Variants in AKNA observed in about 807,000 individuals in gnomAD.
AKNA encodes microtubule organization protein AKNA.
AKNA carries 67 observed loss-of-function variants against 138.8 expected under a neutral mutation model. The observed-to-expected ratio is 0.48, with a 90% CI of 0.40 to 0.59. The LOEUF (loss-of-function observed/expected upper bound fraction) is 0.59. AKNA is among the 20% of genes least tolerant of loss of function. AKNA has a pLI of 0.00. For missense variants in AKNA, 1,813 were observed against 1,880.4 expected, an observed-to-expected ratio of 0.96 and a Z score of 0.66; for synonymous variants, 737 against 754.4, an observed-to-expected ratio of 0.98 and a Z score of 0.38.
rs567911856 is a variant in AKNA, at chr9:114,377,049, C to T, written c.758G>A (p.Ser253Asn). ...TTCCATGGGGGTTGCCCGAGCAACA[C>T]TGCCTCCAGTTCTGCCATCTGGGCT... Reference protein sequence around the residue: ...LLSPDGRTGGSVARATPMEFQ... With the variant: ...LLSPDGRTGGNVARATPMEFQ... The change falls in exon 3 of 22, where the codon AGT becomes AAT. Residue 253 changes from serine (S) to asparagine (N), a missense_variant. Ser to Asn is a conservative substitution (Grantham distance 46). Transcript: ENST00000374088. The T allele has an allele frequency of 4.3e-6, 7 of 1,614,070 alleles. No individual in the cohort carries two copies. The highest frequency in any genetic ancestry group is 4.5e-5 in the East Asian group (2 of 44,882).
Position 114,371,223 on chromosome 9 carries a change from G to A in AKNA, c.1417-2628C>T, listed in dbSNP as rs145195702. On this transcript the variant is annotated intron_variant, in intron 4 of 21. Transcript: ENST00000374088. ...CCAGGCCTCCCCAGCTGCAGATCCCGCAACTACCAAGTCTAGTTCTGCTAG... is the reference window on the plus strand; with the variant it reads ...CCAGGCCTCCCCAGCTGCAGATCCCACAACTACCAAGTCTAGTTCTGCTAG... Among the ~76,000 whole-genome samples the A allele has an allele frequency of 1.2e-4, 18 of 152,300 alleles. No individual in the cohort carries two copies. The East Asian group carries it at 2.9e-3, about 24-fold the overall frequency.
At chr9:114,331,055 C>T (rs541751052), downstream of AKNA, among the ~76,000 whole-genome samples, 1 of 152,228 alleles carries the variant, frequency 6.6e-6, no homozygotes, top group South Asian at 2.1e-4. Context: ...AACATAAGAA[C>T]AGAGACCTCA....
downstream of AKNA, chr9:114,331,793 T>C (rs113974644): frequency 0.24 from 391,585 of 1,603,378 alleles, 52,168 homozygotes; most frequent in Middle Eastern, 0.28. Flanking sequence ...GGCCCCACCA[T>C]GTCCCCAGTC....
rs1833274395 is a variant in AKNA at position 114,376,981 on chromosome 9, C to T, written c.826G>A (p.Ala276Thr). 4 of 1,614,172 alleles carry T rather than the reference C, an allele frequency of 2.5e-6. No homozygotes were observed. Among genetic ancestry groups the T allele is most frequent in the Middle Eastern group, 1.7e-4 (1 of 6,060 alleles). Residue 276 changes from alanine (A) to threonine (T), a missense_variant, in exon 3 of 22, where the codon GCC (alanine) becomes ACC (threonine). Transcript: ENST00000374088. ...GTTTCTCTCCTCCATCTATCTGTGG[C>T]ATGCTGCGGACTCTGGGCTGGGGGA... ...SAPPAQSPQHATDRWRRETTR... is the reference protein window; with the variant it reads ...SAPPAQSPQHTTDRWRRETTR...
chr9:114,370,014 T>C (rs1832654491), intron 4 of AKNA, among the ~76,000 whole-genome samples: 1 of 152,132 alleles, frequency 6.6e-6, no homozygotes, highest in South Asian at 2.1e-4. Context: ...TGGGATTTGC[T>C]CATCATGATG....
chr9:114,369,910 CATCACCATT>C (rs1166975043), intron 4 of AKNA, among the ~76,000 whole-genome samples: 6 of 152,204 alleles, frequency 3.9e-5, no homozygotes, highest in African/African-American at 1.2e-4. Context: ...TCATCGTAAC[CATCACCATT>C]ATCACCATCA....
chr9:114,343,761 C>T lies in AKNA; in HGVS notation c.3704G>A (p.Gly1235Asp), dbSNP rs766437297. ...GTGGGGACAGGAGACTGTGCCATTG[C>T]CTTTTGGGACCGCCTTAGGGGACAG... ...HVLSPKAVPK[G>D]NGTVSCPHCR... Residue 1235 changes from glycine (G) to aspartate (D), a missense_variant, in exon 19 of 22, where the codon GGC becomes GAC. By Grantham distance (94) the Gly-to-Asp change is moderately conservative. Transcript: ENST00000374088. 1.5e-5 allele frequency: 24 copies of T among 1,614,030 alleles called. No homozygotes were observed. Among genetic ancestry groups the T allele is most frequent in the East Asian group, 2.2e-5 (1 of 44,890 alleles).
intron 3 of AKNA, among the ~76,000 whole-genome samples, chr9:114,374,976 T>C (rs1234668498): frequency 3.3e-5 from 5 of 152,204 alleles, no homozygotes; most frequent in Non-Finnish European, 5.9e-5. Context: ...TACTACCACT[T>C]TGTCACCTCA....
chr9:114,351,859 A>G (rs1015224767), intron 14 of AKNA, among the ~76,000 whole-genome samples: 4 of 152,206 alleles, frequency 2.6e-5, no homozygotes, highest in Middle Eastern at 3.4e-3. Flanking sequence ...AATAAAAAAT[A>G]AAAGCAATGA....
intron 14 of AKNA, among the ~76,000 whole-genome samples, chr9:114,355,458 C>T (rs934020793): frequency 6.6e-6 from 1 of 152,132 alleles, no homozygotes; most frequent in African/African-American, 2.4e-5. Context: ...ATTACAGGCA[C>T]GAGCCGCTGC....
In AKNA at chr9:114,347,854, G is replaced by T. The variant is rs561485696; in HGVS notation, c.3268C>A (p.Arg1090=). 1.3e-6 allele frequency: 2 copies of T among 1,550,220 alleles called. No individual in the cohort carries two copies. Among genetic ancestry groups the T allele is most frequent in the Non-Finnish European group, 1.7e-6 (2 of 1,146,812 alleles). ...LQEEVSRLRL[R]LEDSLHQPLQ... is the part of the protein sequence containing the mutation. ...GGCTGGTGCAGGCTGTCTTCCAGCC[G>T]CAGACGAAGCCGGGACACCTCTTCT... The change falls in exon 16 of 22, where the codon CGG becomes AGG. Residue 1090 remains arginine (R), a synonymous_variant. Transcript: ENST00000374088.
intron 6 of AKNA, among the ~76,000 whole-genome samples, chr9:114,366,143 G>C (rs993700051): frequency 2.0e-5 from 3 of 152,086 alleles, no homozygotes; most frequent in African/African-American, 7.2e-5. Flanking sequence ...GCCAGGCATG[G>C]TGGCGCGTGC....
At chr9:114,366,031 C>A (rs1317686072) in intron 6 of AKNA, among the ~76,000 whole-genome samples, 3 of 152,218 alleles carry the variant, frequency 2.0e-5, no homozygotes, top group African/African-American at 7.2e-5. Flanking sequence ...GTAATCCCAG[C>A]ACTTTGGGAG....
rs1165824633 is a variant in AKNA, at chr9:114,362,501, G to C, written c.1821C>G (p.Ala607=). 8.7e-6 allele frequency: 14 copies of C among 1,613,402 alleles called. No homozygotes were observed. Among genetic ancestry groups the C allele is most frequent in the Non-Finnish European group, 1.2e-5 (14 of 1,179,836 alleles). The change falls in exon 8 of 22, where the codon GCC becomes GCG. Residue 607 remains alanine, a synonymous_variant. Coordinates refer to ENST00000374088, the MANE Select transcript of AKNA (RefSeq NM_001317950.2). ...GFQRLKAAHA[A]LEEEYLKACR... ...AAGCCTTCAGGTACTCCTCCTCTAGGGCCGCGTGGGCAGCCTTCAGCCGCT... is the reference window on the plus strand; with the variant it reads ...AAGCCTTCAGGTACTCCTCCTCTAGCGCCGCGTGGGCAGCCTTCAGCCGCT...
At position 114,335,358 on chromosome 9, in the gene AKNA, G is replaced by A. The variant is rs924327829; in HGVS notation, c.*1696C>T. ...CACTCTCCTCATCAGTAAAAGGGGG[G>A]CAGAGTGAGGGTCCTGAGGGTTAGC... is the stretch of plus-strand genomic sequence containing the variant. On this transcript the variant is annotated 3_prime_UTR_variant, in exon 22 of 22. Transcript: ENST00000374088. 6.6e-6 allele frequency: 1 copy of A among 152,252 alleles called. No individual in the cohort carries two copies. Among genetic ancestry groups the A allele is most frequent in the African/African-American group, 2.4e-5 (1 of 41,454 alleles). 9.4% of individuals were successfully genotyped at this position (152,252 alleles called of 1,614,324 possible). A position where few individuals can be genotyped will look rare whatever the true frequency, so the allele number is the denominator to read the frequency against.
intron 2 of AKNA, 147 bp downstream of exon 2, chr9:114,380,913 G>T (rs907340437): frequency 3.4e-6 from 3 of 884,688 alleles, no homozygotes; most frequent in Admixed American, 3.9e-5. Context: ...AACCCAGGAG[G>T]CAGAGGCTGT....
Position 114,364,625 on chromosome 9 carries a change from C to T in AKNA, c.1729-6G>A. 1 of 1,613,870 alleles carries T rather than the reference C, an allele frequency of 6.2e-7. No homozygotes were observed. Among genetic ancestry groups the T allele is most frequent in the Non-Finnish European group, 8.5e-7 (1 of 1,179,970 alleles). On this transcript the variant is annotated splice_region_variant and splice_polypyrimidine_tract_variant and intron_variant, in intron 6 of 21. Coordinates refer to ENST00000374088, the MANE Select transcript of AKNA (RefSeq NM_001317950.2). ...AGTCTTTCAAAGGACTCCACCTGGA[C>T]ATTGGGAGGGGAAGGAAATATGCTC...
Position 114,345,870 on chromosome 9 carries a change from T to C in AKNA, c.3654A>G (p.Gln1218=). The change falls in exon 18 of 22, where the codon CAA becomes CAG. Residue 1218 remains glutamine (Q), a synonymous_variant. Transcript: ENST00000374088. The part of the protein sequence containing the change: ...GWPDRVTFRG[Q]YTGHEYHVLS... Reference sequence around the variant, plus strand: ...CCCTCCCTCCTGACCTACCTGTGTATTGGCCCCGGAAGGTGACCCTGTCTG... The same window carrying C: ...CCCTCCCTCCTGACCTACCTGTGTACTGGCCCCGGAAGGTGACCCTGTCTG... The C allele has an allele frequency of 6.2e-7, 1 of 1,614,070 alleles. No homozygotes were observed. The highest frequency in any genetic ancestry group is 1.6e-4 in the Middle Eastern group (1 of 6,062).
At chr9:114,342,422 C>A (rs993784498) in intron 19 of AKNA, among the ~76,000 whole-genome samples, 1 of 152,200 alleles carries the variant, frequency 6.6e-6, no homozygotes, top group Admixed American at 6.5e-5. Flanking sequence ...GGGTCCAAGA[C>A]GTCAAGTAAT....
Sources: allele counts gnomAD v4.1 joint callset (sites outside exome capture counted in the v4.1 genomes callset), GRCh38; gene constraint gnomAD v4.1.1; transcripts MANE v1.5; gene names NCBI Gene and HGNC (gene_info 2026-07-23, HGNC 2026-07-21).